NRP1: variants seen among roughly 807,000 people sequenced by gnomAD.
The protein encoded by NRP1 is neuropilin-1.
Under a neutral mutation model 106.7 loss-of-function variants are expected in NRP1, and 35 were observed. The observed-to-expected ratio is 0.33, with a 90% confidence interval of 0.25 to 0.43. The LOEUF is 0.43. Among genes scored for constraint, NRP1 ranks in the 20% least tolerant of loss-of-function variants. The pLI, the probability that NRP1 is intolerant of heterozygous loss-of-function variation, is 1.00. For synonymous variants in NRP1, 437 were observed against 417.9 expected (o/e 1.05, Z -0.56); for missense variants, 1,024 against 1,170.4 (o/e 0.87, Z 1.83).
chr10:33,236,320 G>C (rs1298316541), intron 6 of NRP1, among the ~76,000 whole-genome samples: 2 of 152,322 alleles, frequency 1.3e-5, no homozygotes, highest in Non-Finnish European at 1.5e-5. Context: ...AAATCTTCCG[G>C]TCAAGAACCT....
At chr10:33,225,327 T>C (rs1008343844) in intron 7 of NRP1, among the ~76,000 whole-genome samples, 1 of 152,236 alleles carries the variant, frequency 6.6e-6, no homozygotes, top group African/African-American at 2.4e-5. Context: ...GACAGGTTAA[T>C]TGGCCTCTTC....
intron 6 of NRP1, among the ~76,000 whole-genome samples, chr10:33,243,765 GTTGGAAATATAAAAGCATAATGTATTTTA>G (rs1227533332): frequency 6.6e-6 from 1 of 152,126 alleles, no homozygotes; most frequent in Non-Finnish European, 1.5e-5. Context: ...CTGTTCAATA[GTTGGAAATATAAAAGCATAATGTATTTTA>G]TTACTATTGG....
intron 2 of NRP1, among the ~76,000 whole-genome samples, chr10:33,323,044 A>G (rs531780823): frequency 6.6e-6 from 1 of 152,252 alleles, no homozygotes; most frequent in Non-Finnish European, 1.5e-5. Flanking sequence ...GCTCATCCCC[A>G]TAATGGGCAC....
chr10:33,198,659 C>T (rs746245621), intron 11 of NRP1, among the ~76,000 whole-genome samples: 1 of 152,056 alleles, frequency 6.6e-6, no homozygotes, highest in Non-Finnish European at 1.5e-5. Flanking sequence ...AGCTTCAAAT[C>T]GTTTTCCAAG....
Position 33,180,058 on chromosome 10 carries a change from T to G in NRP1, c.*18A>C, listed in dbSNP as rs1835582039. The G allele has an allele frequency of 4.3e-6, 7 of 1,611,064 alleles. No homozygotes were observed. Among genetic ancestry groups the G allele is most frequent in the Non-Finnish European group, 5.9e-6 (7 of 1,178,364 alleles). On this transcript the variant is annotated 3_prime_UTR_variant, in exon 17 of 17. Coordinates refer to ENST00000374867, the MANE Select transcript of NRP1 (RefSeq NM_003873.7). ...TTCCACTTCCGTCCTTTGACTGTCT[T>G]TTCATCTCTGTCTGCCTTCATGCCT...
intron 6 of NRP1, among the ~76,000 whole-genome samples, chr10:33,229,104 A>T (rs1839904738): frequency 6.6e-6 from 1 of 152,088 alleles, no homozygotes; most frequent in South Asian, 2.1e-4. Context: ...GCAAAACCAA[A>T]TTTTTTTTAG....
At chr10:33,256,611 G>A in intron 4 of NRP1, 140 bp from the exon 5 acceptor site, 2 of 899,564 alleles carry the variant, frequency 2.2e-6, no homozygotes, top group Non-Finnish European at 1.7e-6. Flanking sequence ...AAGTTAATTG[G>A]TTTGCTGTGA....
chr10:33,331,605 T>C (rs1396164345), intron 1 of NRP1, among the ~76,000 whole-genome samples: 1 of 152,168 alleles, frequency 6.6e-6, no homozygotes, highest in Admixed American at 6.5e-5. Context: ...AAATGTTGGG[T>C]GAAAAATAAC....
At chr10:33,301,376 A>G (rs1845789784) in intron 2 of NRP1, among the ~76,000 whole-genome samples, 1 of 152,076 alleles carries the variant, frequency 6.6e-6, no homozygotes, top group Non-Finnish European at 1.5e-5. Flanking sequence ...AAAGTTACAA[A>G]CCTCTTTAGA....
chr10:33,235,465 C>T (rs1037585399), intron 6 of NRP1, among the ~76,000 whole-genome samples: 5 of 152,236 alleles, frequency 3.3e-5, no homozygotes, highest in Admixed American at 2.6e-4. Context: ...TTGAGAGCAA[C>T]GCACGGAACT....
chr10:33,294,444 C>T (rs1845230982), intron 2 of NRP1, among the ~76,000 whole-genome samples: 1 of 151,840 alleles, frequency 6.6e-6, no homozygotes, highest in Non-Finnish European at 1.5e-5. Context: ...ATGGAGAAAC[C>T]TCATCTCTAC....
chr10:33,187,987 T>G (rs968485575), intron 13 of NRP1, among the ~76,000 whole-genome samples: 2 of 152,170 alleles, frequency 1.3e-5, no homozygotes, highest in African/African-American at 4.8e-5. Context: ...AGCAGTAGGT[T>G]TGATACTGCA....
chr10:33,224,460 T>C (rs912035139), intron 7 of NRP1, among the ~76,000 whole-genome samples: 1 of 152,160 alleles, frequency 6.6e-6, no homozygotes, highest in Non-Finnish European at 1.5e-5. Context: ...CTTATCTGCA[T>C]GCATTCCAGT....
chr10:33,205,288 C>G (rs1837678126), intron 10 of NRP1, among the ~76,000 whole-genome samples: 1 of 152,190 alleles, frequency 6.6e-6, no homozygotes, highest in African/African-American at 2.4e-5. Flanking sequence ...GGGCAATGTC[C>G]TCACTTTTGT....
intron 4 of NRP1, among the ~76,000 whole-genome samples, chr10:33,261,955 C>T (rs780683739): frequency 2.6e-5 from 4 of 152,124 alleles, no homozygotes; most frequent in Admixed American, 6.5e-5. Flanking sequence ...AGTCTGGTCT[C>T]GAACTCATGA....
At chr10:33,216,345 C>A (rs962187494) in intron 8 of NRP1, among the ~76,000 whole-genome samples, 1 of 151,988 alleles carries the variant, frequency 6.6e-6, no homozygotes, top group African/African-American at 2.4e-5. Context: ...ACAGTGTTAG[C>A]CAGGATGGTC....
At position 33,189,054 on chromosome 10, in the gene NRP1, T is replaced by C. The variant is rs189618981; in HGVS notation, c.2063-2566A>G. 4.3e-3 allele frequency among the ~76,000 whole-genome samples: 644 copies of C among 151,524 alleles called. 6 individuals are homozygous for C. The highest frequency in any genetic ancestry group is 0.017 in the Middle Eastern group (5 of 292). On this transcript the variant is annotated intron_variant, in intron 13 of 16. Coordinates refer to ENST00000374867, the MANE Select transcript of NRP1 (RefSeq NM_003873.7). ...GCGCTGGCAGCCCCTCCAATGGACC[T>C]TTTATCCACCCCCATCCTGTTTTCC...
intron 10 of NRP1, chr10:33,206,124 G>T: frequency 2.1e-6 from 1 of 483,570 alleles, no homozygotes; most frequent in East Asian, 5.6e-5. Context: ...CTGCCACCAG[G>T]CTGTCTTTTC....
chr10:33,257,514 G>A (rs1161632501), intron 4 of NRP1, among the ~76,000 whole-genome samples: 1 of 152,176 alleles, frequency 6.6e-6, no homozygotes, highest in African/African-American at 2.4e-5. Flanking sequence ...GGCAGTGCCT[G>A]TAATCCCAGC....
Sources: allele counts gnomAD v4.1 joint callset (sites outside exome capture counted in the v4.1 genomes callset), GRCh38; gene constraint gnomAD v4.1.1; transcripts MANE v1.5; gene names NCBI Gene and HGNC (gene_info 2026-07-23, HGNC 2026-07-21).